Variants in HECW1 observed in about 807,000 individuals in gnomAD.
HECW1 encodes HECT, C2 and WW domain containing E3 ubiquitin protein ligase 1, also known as E3 ubiquitin-protein ligase HECW1.
HECW1 carries 61 observed loss-of-function variants against 182.3 expected under a neutral mutation model. The ratio of observed to expected loss-of-function variants is 0.33; its 90% CI spans 0.27 to 0.41. The LOEUF (loss-of-function observed/expected upper bound fraction) is 0.41. Among genes scored for constraint, HECW1 ranks in the 10% least tolerant of loss-of-function variants. HECW1 has a pLI of 1.00. For missense variants in HECW1, 1,739 were observed against 2,108.9 expected (o/e 0.82, Z 3.44); for synonymous variants, 859 against 832.6 (o/e 1.03, Z -0.55).
intron 11 of HECW1, among the ~76,000 whole-genome samples, chr7:43,446,814 A>C (rs13222216): frequency 0.57 from 85,929 of 152,018 alleles, 24,489 homozygotes; most frequent in Non-Finnish European, 0.6. Context: ...AAAGGTACCC[A>C]CAAGGAGCGG....
chr7:43,486,350 G>T (rs1036484217), intron 17 of HECW1, among the ~76,000 whole-genome samples: 1 of 151,614 alleles, frequency 6.6e-6, no homozygotes, highest in Non-Finnish European at 1.5e-5. Flanking sequence ...GCAATGGCAC[G>T]GAGTGCAATG....
chr7:43,177,541 A>G (rs1792383803), intron 2 of HECW1, among the ~76,000 whole-genome samples: 1 of 152,070 alleles, frequency 6.6e-6, no homozygotes, highest in African/African-American at 2.4e-5. Flanking sequence ...TTTATTCTCC[A>G]TGTATTGTGG....
At chr7:43,322,385 C>A (rs1009989995) in intron 5 of HECW1, among the ~76,000 whole-genome samples, 4 of 152,122 alleles carry the variant, frequency 2.6e-5, no homozygotes, top group South Asian at 2.1e-4. Flanking sequence ...TACTTATCTC[C>A]CTGGCTCTGG....
Position 43,215,299 on chromosome 7 carries a change from G to T in HECW1, c.-31-28576G>T, listed in dbSNP as rs568534204. ...GCAAGGGTCGGTTGTCCCCAGAGAGGCTGAAAGCAGTGCTGTTTTCCAATC... is the reference window on the plus strand; with the variant it reads ...GCAAGGGTCGGTTGTCCCCAGAGAGTCTGAAAGCAGTGCTGTTTTCCAATC... On this transcript the variant is annotated intron_variant, in intron 2 of 29. Coordinates refer to ENST00000395891, the MANE Select transcript of HECW1 (RefSeq NM_015052.5). Among the ~76,000 whole-genome samples, 3 of 152,336 alleles carry T rather than the reference G, an allele frequency of 2.0e-5. No homozygotes were observed. The South Asian group carries it at 6.2e-4, about 32-fold the overall frequency.
intron 18 of HECW1, among the ~76,000 whole-genome samples, chr7:43,492,850 G>A (rs757679191): frequency 3.3e-5 from 5 of 152,208 alleles, no homozygotes; most frequent in East Asian, 1.9e-4. Context: ...ATCCTGAAAC[G>A]TTAAGGACGA....
At chr7:43,453,715 A>G (rs767635105) in intron 12 of HECW1, among the ~76,000 whole-genome samples, 14 of 152,198 alleles carry the variant, frequency 9.2e-5, no homozygotes, top group Non-Finnish European at 1.6e-4. Flanking sequence ...TTAGTGTGCA[A>G]TAGATCCTTT....
chr7:43,511,241 C>T (rs1464632976), intron 24 of HECW1: 2 of 152,206 alleles, frequency 1.3e-5, no homozygotes, highest in African/African-American at 2.4e-5. Flanking sequence ...GATGTTCTCC[C>T]TCATGTGGAG....
At chr7:43,545,882 CA>C (rs1370417379) in intron 26 of HECW1, among the ~76,000 whole-genome samples, 1 of 151,988 alleles carries the variant, frequency 6.6e-6, no homozygotes, top group Non-Finnish European at 1.5e-5. Flanking sequence ...TATGGAAATA[CA>C]TCATAATTTC....
At chr7:43,261,583 T>G (rs919520303) in intron 3 of HECW1, among the ~76,000 whole-genome samples, 1 of 152,152 alleles carries the variant, frequency 6.6e-6, no homozygotes, top group Non-Finnish European at 1.5e-5. Context: ...CAGGAACATG[T>G]GGCACGGACT....
At chr7:43,167,850 G>C (rs142976785) in intron 2 of HECW1, among the ~76,000 whole-genome samples, 2 of 152,258 alleles carry the variant, frequency 1.3e-5, no homozygotes, top group African/African-American at 4.8e-5. Context: ...CACACACCCT[G>C]TTTTAAAGAG....
chr7:43,235,210 C>A (rs1389108937), intron 2 of HECW1, among the ~76,000 whole-genome samples: 1 of 152,148 alleles, frequency 6.6e-6, no homozygotes, highest in African/African-American at 2.4e-5. Flanking sequence ...GTTCCCCGGC[C>A]CCCACACCCA....
chr7:43,295,062 A>T (rs897603657), intron 3 of HECW1, among the ~76,000 whole-genome samples: 2 of 152,166 alleles, frequency 1.3e-5, no homozygotes, highest in African/African-American at 4.8e-5. Context: ...AGAGTTTCTG[A>T]TTAGCTTTTC....
chr7:43,246,856 C>CG (rs567343869), intron 3 of HECW1, among the ~76,000 whole-genome samples: 152 of 152,210 alleles, frequency 1.0e-3, no homozygotes, highest in African/African-American at 3.5e-3. Flanking sequence ...CTCTGCCAGC[C>CG]CAGTGGACTC....
rs959871557 is a variant in HECW1, at chr7:43,456,512, G to T, written c.2651+65G>T. The T allele has an allele frequency of 7.3e-6, 11 of 1,502,506 alleles. No individual in the cohort carries two copies. In the African/African-American group the frequency reaches 1.5e-4, roughly 21 times the overall value. 93.1% of individuals were successfully genotyped at this position (1,502,506 alleles called of 1,614,324 possible). A position where few individuals can be genotyped will look rare whatever the true frequency, so the allele number is the denominator to read the frequency against. On this transcript the variant is annotated intron_variant, in intron 13 of 29. Transcript: ENST00000395891. ...TGAAAGGAGAATGGCAGCTAGAGAC[G>T]CTCCCCTTACACTTTTCTGCTCAGA... is the stretch of plus-strand genomic sequence containing the variant.
intron 3 of HECW1, among the ~76,000 whole-genome samples, chr7:43,248,085 T>G (rs1799618535): frequency 1.9e-4 from 25 of 132,510 alleles, no homozygotes; most frequent in Admixed American, 2.3e-4. Flanking sequence ...GGGAAAACAA[T>G]GGAGAGAGGG....
At chr7:43,144,438 C>A (rs1788483735) in intron 2 of HECW1, among the ~76,000 whole-genome samples, 1 of 152,130 alleles carries the variant, frequency 6.6e-6, no homozygotes, top group Non-Finnish European at 1.5e-5. Context: ...TCTGTTCTTC[C>A]TCCTTGAAAG....
At chr7:43,233,895 A>G (rs1005132948) in intron 2 of HECW1, among the ~76,000 whole-genome samples, 1 of 152,238 alleles carries the variant, frequency 6.6e-6, no homozygotes, top group African/African-American at 2.4e-5. Context: ...GCCTCAATAG[A>G]AAAAGGCAGA....
intron 24 of HECW1, among the ~76,000 whole-genome samples, chr7:43,513,725 G>T (rs1166841444): frequency 6.6e-6 from 1 of 151,166 alleles, no homozygotes; most frequent in Non-Finnish European, 1.5e-5. Context: ...TTTGATTTTT[G>T]TTTTGTTTTG....
chr7:43,130,029 T>C (rs1010365801), intron 2 of HECW1, among the ~76,000 whole-genome samples: 2 of 152,244 alleles, frequency 1.3e-5, no homozygotes, highest in Non-Finnish European at 2.9e-5. Flanking sequence ...GCAGAACTTT[T>C]AGATTAGAAA....
Sources: gnomAD v4.1 joint callset for allele counts (sites outside exome capture counted in the v4.1 genomes callset) on GRCh38, gnomAD v4.1.1 for gene constraint, MANE v1.5 for transcripts, NCBI Gene and HGNC (gene_info 2026-07-23, HGNC 2026-07-21) for gene names.